Variants in AFF3 observed in about 807,000 individuals in gnomAD.
AFF3 encodes the protein AF4/FMR2 family member 3.
In AFF3, 32 loss-of-function variants were observed where a neutral mutation model predicts 129.7. That is an observed-to-expected ratio of 0.25 (90% confidence interval 0.19 to 0.33). The LOEUF is 0.33. Among genes scored for constraint, AFF3 ranks in the 10% least tolerant of loss-of-function variants. The pLI is 1.00. For missense variants in AFF3, 1,373 were observed against 1,592.0 expected, an observed-to-expected ratio of 0.86 and a Z score of 2.34; for synonymous variants, 644 against 635.4, an observed-to-expected ratio of 1.01 and a Z score of -0.20.
chr2:100,104,494 C>T lies in AFF3; in HGVS notation c.-40G>A. ...GCGTCGCCGCCGCCGCTACCGCCGCCGCCGAGGCTCGGGCCGCCCGCGCGC... is the reference window on the plus strand; with the variant it reads ...GCGTCGCCGCCGCCGCTACCGCCGCTGCCGAGGCTCGGGCCGCCCGCGCGC... On this transcript the variant is annotated 5_prime_UTR_variant, in exon 4 of 25. Coordinates refer to ENST00000672756, the MANE Select transcript of AFF3 (RefSeq NM_001386135.1). The T allele has an allele frequency of 3.8e-6, 5 of 1,299,750 alleles. No individual in the cohort carries two copies. Among genetic ancestry groups the T allele is most frequent in the Non-Finnish European group, 5.0e-6 (5 of 998,564 alleles). 80.5% of individuals were successfully genotyped at this position (1,299,750 alleles called of 1,614,324 possible).
At chr2:99,956,388 A>G (rs1339751701) in intron 7 of AFF3, among the ~76,000 whole-genome samples, 1 of 152,056 alleles carries the variant, frequency 6.6e-6, no homozygotes, top group Non-Finnish European at 1.5e-5. Context: ...GCTGAAATGG[A>G]ACTGTGACGG....
chr2:99,913,986 T>G (rs533944374), intron 7 of AFF3, among the ~76,000 whole-genome samples: 6 of 152,284 alleles, frequency 3.9e-5, no homozygotes, highest in East Asian at 3.9e-4. Context: ...AAATCACCAT[T>G]TGGCAAGCAC....
intron 2 of AFF3, among the ~76,000 whole-genome samples, chr2:100,127,928 G>T (rs572455302): frequency 2.6e-5 from 4 of 152,164 alleles, no homozygotes; most frequent in African/African-American, 7.2e-5. Context: ...GTCAGCACAA[G>T]ATACAGGTCC....
chr2:99,847,711 G>C (rs1296694576), intron 7 of AFF3, among the ~76,000 whole-genome samples: 1 of 151,916 alleles, frequency 6.6e-6, no homozygotes, highest in Non-Finnish European at 1.5e-5. Flanking sequence ...GTTTTTCAGA[G>C]CTGGCTTCAG....
chr2:99,880,181 A>G (rs1421745913), intron 7 of AFF3, among the ~76,000 whole-genome samples: 1 of 152,234 alleles, frequency 6.6e-6, no homozygotes, highest in African/African-American at 2.4e-5. Flanking sequence ...AAAAACCATA[A>G]TATCACCTGA....
chr2:99,806,654 T>C lies in AFF3; in HGVS notation c.921+30823A>G, dbSNP rs571380312. Among the ~76,000 whole-genome samples, 5 of 152,232 alleles carry C rather than the reference T, an allele frequency of 3.3e-5. No individual in the cohort carries two copies. The South Asian group carries it at 1.0e-3, about 32-fold the overall frequency. ...GCAGAACCTGGACTAGCAGACCTAC[T>C]AGTCACAGGAGTCCTATCCCTTCTT... On this transcript the variant is annotated intron_variant, in intron 8 of 24. Transcript: ENST00000672756.
intron 7 of AFF3, among the ~76,000 whole-genome samples, chr2:100,001,957 G>T (rs1450372055): frequency 6.6e-6 from 1 of 152,220 alleles, no homozygotes; most frequent in African/African-American, 2.4e-5. Flanking sequence ...CCATCGAGCA[G>T]ACAGGAGGAA....
At position 100,135,065 on chromosome 2, in the gene AFF3, T is replaced by C. The variant is rs749519913; in HGVS notation, c.-227-5759A>G. 9.2e-5 allele frequency among the ~76,000 whole-genome samples: 14 copies of C among 152,046 alleles called. No individual in the cohort carries two copies. The South Asian group carries it at 2.7e-3, about 29-fold the overall frequency. ...CCATGACATAGGAGTGTTCAAGAAATGATGAAGAGACCACTCTACTGGAGC... is the reference window on the plus strand; with the variant it reads ...CCATGACATAGGAGTGTTCAAGAAACGATGAAGAGACCACTCTACTGGAGC... On this transcript the variant is annotated intron_variant, in intron 1 of 24. Transcript: ENST00000672756.
At chr2:100,044,435 C>G (rs1420887702) in intron 4 of AFF3, among the ~76,000 whole-genome samples, 1 of 151,876 alleles carries the variant, frequency 6.6e-6, no homozygotes, top group Non-Finnish European at 1.5e-5. Flanking sequence ...CAACCCCCTT[C>G]CATCTATCTA....
intron 5 of AFF3, 170 bp from the exon 6 acceptor site, chr2:100,007,630 T>C: frequency 1.5e-6 from 1 of 657,648 alleles, no homozygotes; most frequent in Middle Eastern, 4.2e-4. Context: ...CAGCACTTGG[T>C]GATGCACCAG....
chr2:99,556,356 C>A (rs1190522229), intron 22 of AFF3, among the ~76,000 whole-genome samples: 1 of 151,950 alleles, frequency 6.6e-6, no homozygotes, highest in South Asian at 2.1e-4. Flanking sequence ...GAGACAGAAT[C>A]GCTTGAACCT....
intron 13 of AFF3, among the ~76,000 whole-genome samples, chr2:99,642,499 T>G (rs999816763): frequency 6.6e-6 from 1 of 152,182 alleles, no homozygotes; most frequent in African/African-American, 2.4e-5. Context: ...TTGCAAAGAA[T>G]TATTTCCTCT....
intron 4 of AFF3, among the ~76,000 whole-genome samples, chr2:100,026,070 G>A (rs1163376459): frequency 1.3e-5 from 2 of 152,194 alleles, no homozygotes; most frequent in East Asian, 1.9e-4. Context: ...AAACTAAAGA[G>A]CTTTTGCACG....
intron 7 of AFF3, among the ~76,000 whole-genome samples, chr2:99,891,968 A>G (rs546680521): frequency 3.5e-4 from 53 of 151,702 alleles, no homozygotes; most frequent in South Asian, 3.3e-3. Flanking sequence ...GACTACAGGC[A>G]CCCGCCACCA....
chr2:99,752,463 A>G (rs1681739334), intron 8 of AFF3, among the ~76,000 whole-genome samples, 162 bp from the exon 9 acceptor site: 1 of 152,256 alleles, frequency 6.6e-6, no homozygotes, highest in African/African-American at 2.4e-5. Context: ...ATCCACTTTT[A>G]TGATTTCATT....
intron 22 of AFF3, 140 bp from the exon 23 acceptor site, chr2:99,554,872 T>C: frequency 1.1e-6 from 1 of 901,114 alleles, no homozygotes; most frequent in East Asian, 2.6e-5. Flanking sequence ...AAACTGGACC[T>C]GGGAAGTCTC....
chr2:100,139,113 T>C (rs1160067254), intron 1 of AFF3, among the ~76,000 whole-genome samples: 2 of 152,130 alleles, frequency 1.3e-5, no homozygotes, highest in East Asian at 1.9e-4. Context: ...TATCAACTTA[T>C]ACAACCACCA....
At chr2:99,869,687 G>A (rs1691720338) in intron 7 of AFF3, among the ~76,000 whole-genome samples, 1 of 152,090 alleles carries the variant, frequency 6.6e-6, no homozygotes, top group African/African-American at 2.4e-5. Flanking sequence ...GTCCCCCTGG[G>A]CACCCCAGCA....
chr2:100,007,556 G>T, intron 5 of AFF3, 96 bp from the exon 6 acceptor site: 1 of 1,124,138 alleles, frequency 8.9e-7, no homozygotes. Context: ...AGCCAGGGTT[G>T]TCACATGCAG....
Sources: gnomAD v4.1 joint callset for allele counts (sites outside exome capture counted in the v4.1 genomes callset) on GRCh38, gnomAD v4.1.1 for gene constraint, MANE v1.5 for transcripts, NCBI Gene and HGNC (gene_info 2026-07-23, HGNC 2026-07-21) for gene names.